The following SVEP1 variants were observed in gnomAD, a reference collection of about 807,000 sequenced individuals.
SVEP1 encodes the protein sushi, von Willebrand factor type A, EGF and pentraxin domain containing 1.
In SVEP1, 164 loss-of-function variants were observed where a neutral mutation model predicts 367.3. The ratio of observed to expected loss-of-function variants is 0.45; its 90% confidence interval spans 0.39 to 0.51. SVEP1 has a LOEUF of 0.51. Ranked by LOEUF, SVEP1 falls within the 20% of genes least tolerant of loss-of-function variation. The probability of loss-of-function intolerance (pLI) is 0.00; values close to 1 mark genes in which losing one functional copy is unlikely to be tolerated. For synonymous variants in SVEP1, 1,666 were observed against 1,611.6 expected, an observed-to-expected ratio of 1.03 and a Z score of -0.81; for missense variants, 4,117 against 4,425.3, an observed-to-expected ratio of 0.93 and a Z score of 1.98.
chr9:110,382,480 C>G lies in SVEP1; in HGVS notation c.10238-2963G>C, dbSNP rs59070751. On this transcript the variant is annotated intron_variant, in intron 43 of 47. Transcript: ENST00000374469. Reference sequence around the variant, plus strand: ...CCTTTGTAGGTCACCTGGACTTTCTCTCTGGCTGCCCTTAACATTTTTTCC... The same window carrying G: ...CCTTTGTAGGTCACCTGGACTTTCTGTCTGGCTGCCCTTAACATTTTTTCC... Among the ~76,000 whole-genome samples the G allele has an allele frequency of 5.8e-3, 885 of 152,280 alleles. 12 individuals are homozygous for G. Among genetic ancestry groups the G allele is most frequent in the Middle Eastern group, 0.02 (6 of 294 alleles).
intron 26 of SVEP1, 103 bp downstream of exon 26, chr9:110,445,734 G>T: frequency 7.7e-7 from 1 of 1,296,956 alleles, no homozygotes; most frequent in Non-Finnish European, 1.1e-6. Context: ...TGTTTTCTGG[G>T]AACACCTGAC....
intron 25 of SVEP1, among the ~76,000 whole-genome samples, chr9:110,446,388 A>G: frequency 6.6e-6 from 1 of 152,194 alleles, no homozygotes; most frequent in Admixed American, 6.5e-5. Context: ...TTGATGTCAC[A>G]GGAGAGAAGG....
intron 18 of SVEP1, among the ~76,000 whole-genome samples, chr9:110,463,701 G>C (rs1308277644): frequency 6.6e-6 from 1 of 151,656 alleles, no homozygotes; most frequent in African/African-American, 2.4e-5. Flanking sequence ...GAAAGAAAAA[G>C]AAAGGCAAAA....
At position 110,579,067 on chromosome 9, in the gene SVEP1, G is replaced by T; in HGVS notation, c.477C>A (p.Ala159=). The change falls in exon 1 of 48, where the codon GCC becomes GCA. Residue 159 remains alanine, a synonymous_variant. Coordinates refer to ENST00000374469, the MANE Select transcript of SVEP1 (RefSeq NM_153366.4). The surrounding 1 kb of genome is among the most constrained non-coding windows in gnomAD (Gnocchi z 5.3). ...AGGTGCCGCCACCTCGGTAGGAGATGGCAGGGATCTCTTGGAGGAGCAGCG... is the reference window on the plus strand; with the variant it reads ...AGGTGCCGCCACCTCGGTAGGAGATTGCAGGGATCTCTTGGAGGAGCAGCG... ...KCALLLQEIP[A]ISYRGGGTYT... The T allele has an allele frequency of 6.4e-7, 1 of 1,550,774 alleles. No homozygotes were observed. Among genetic ancestry groups the T allele is most frequent in the South Asian group, 1.2e-5 (1 of 84,078 alleles).
intron 27 of SVEP1, among the ~76,000 whole-genome samples, chr9:110,441,479 GCT>G (rs1182561885): frequency 6.6e-6 from 1 of 152,154 alleles, no homozygotes; most frequent in Admixed American, 6.5e-5. Context: ...TGACTCTACA[GCT>G]CTGTCCTTTG....
chr9:110,535,136 T>A (rs1588096709), intron 3 of SVEP1, among the ~76,000 whole-genome samples: 2 of 152,106 alleles, frequency 1.3e-5, no homozygotes, highest in South Asian at 4.1e-4. Context: ...TCTTCCAGGG[T>A]TTTTATAGTT....
intron 36 of SVEP1, among the ~76,000 whole-genome samples, chr9:110,424,975 A>C (rs1245462299): frequency 6.6e-6 from 1 of 152,116 alleles, no homozygotes; most frequent in African/African-American, 2.4e-5. Context: ...CGTCCAGCCT[A>C]ATTTTTGCAT....
chr9:110,408,050 C>CCATAGTGT lies in SVEP1; in HGVS notation c.7542_7549dup (p.Gly2517AspfsTer23). 6.2e-7 allele frequency: 1 copy of CCATAGTGT among 1,613,940 alleles called. No individual in the cohort carries two copies. The highest frequency in any genetic ancestry group is 1.6e-4 in the Middle Eastern group (1 of 6,062). On this transcript the variant is annotated frameshift_variant, in exon 38 of 48. Transcript: ENST00000374469. LOFTEE classifies it high-confidence loss of function. ...GTTGCAAGAGTAGGTAACGGTCTGTCCATAGTGTAGGTCCGTGTAAGAGAA... is the reference window on the plus strand; with the variant it reads ...GTTGCAAGAGTAGGTAACGGTCTGTCCATAGTGTCATAGTGTAGGTCCGTGTAAGAGAA...
chr9:110,530,467 C>T (rs1335632846), intron 3 of SVEP1, among the ~76,000 whole-genome samples: 1 of 152,104 alleles, frequency 6.6e-6, no homozygotes, highest in Non-Finnish European at 1.5e-5. Context: ...ATTATAATAA[C>T]TGGAAAGGGC....
chr9:110,489,090 T>C (rs779694180), intron 9 of SVEP1, among the ~76,000 whole-genome samples: 2 of 152,060 alleles, frequency 1.3e-5, no homozygotes, highest in Non-Finnish European at 2.9e-5. Context: ...TGGGCTCATA[T>C]GGGAAGAAAT....
intron 3 of SVEP1, among the ~76,000 whole-genome samples, chr9:110,516,654 A>C (rs899040367): frequency 1.3e-5 from 2 of 152,198 alleles, no homozygotes; most frequent in African/African-American, 4.8e-5. Context: ...TGTAGAAGAA[A>C]ATGATCAAGA....
At chr9:110,556,257 C>T (rs544959930) in intron 1 of SVEP1, among the ~76,000 whole-genome samples, 9 of 152,026 alleles carry the variant, frequency 5.9e-5, no homozygotes, top group Non-Finnish European at 1.2e-4. Context: ...TTACACAAGA[C>T]GGCACCCCCA....
intron 40 of SVEP1, among the ~76,000 whole-genome samples, chr9:110,393,786 G>A (rs1370294045): frequency 6.6e-6 from 1 of 152,190 alleles, no homozygotes; most frequent in African/African-American, 2.4e-5. Flanking sequence ...ACATCAAACT[G>A]CAAGGCAGCA....
intron 3 of SVEP1, among the ~76,000 whole-genome samples, chr9:110,531,822 T>A (rs1830021977): frequency 6.6e-6 from 1 of 152,212 alleles, no homozygotes; most frequent in South Asian, 2.1e-4. Context: ...CATCAATATA[T>A]GCAAATAGCT....
chr9:110,379,306 T>C (rs757517551), intron 44 of SVEP1, 41 bp downstream of exon 44: 9 of 1,597,982 alleles, frequency 5.6e-6, no homozygotes, highest in South Asian at 3.3e-5. Context: ...CACATTTCCC[T>C]GCAGTTTCAC....
At chr9:110,524,411 A>G (rs1037258941) in intron 3 of SVEP1, among the ~76,000 whole-genome samples, 1 of 152,154 alleles carries the variant, frequency 6.6e-6, no homozygotes, top group African/African-American at 2.4e-5. Context: ...AAATCTTAAC[A>G]AAATGTTAGC....
At chr9:110,522,098 C>G (rs1829883119) in intron 3 of SVEP1, among the ~76,000 whole-genome samples, 1 of 152,098 alleles carries the variant, frequency 6.6e-6, no homozygotes, top group South Asian at 2.1e-4. Context: ...TTATTGTACT[C>G]TTCATTTTCA....
At chr9:110,573,197 C>G (rs1056604179) in intron 1 of SVEP1, among the ~76,000 whole-genome samples, 1 of 151,944 alleles carries the variant, frequency 6.6e-6, no homozygotes, top group African/African-American at 2.4e-5. Context: ...AAAAAAGAAC[C>G]CAAACTTTCC....
intron 36 of SVEP1, among the ~76,000 whole-genome samples, 153 bp downstream of exon 36, chr9:110,427,438 C>G (rs938038099): frequency 1.3e-5 from 2 of 152,000 alleles, no homozygotes; most frequent in Non-Finnish European, 2.9e-5. Flanking sequence ...AGAATATACT[C>G]CGTCTCTGCA....
Sources: allele counts gnomAD v4.1 joint callset (sites outside exome capture counted in the v4.1 genomes callset), GRCh38; gene constraint gnomAD v4.1.1; non-coding constraint Gnocchi (gnomAD v3.1); transcripts MANE v1.5; gene names NCBI Gene and HGNC (gene_info 2026-07-23, HGNC 2026-07-21).